The following BMPER variants were observed in gnomAD, a reference collection of about 807,000 sequenced individuals.
BMPER encodes BMP-binding endothelial regulator protein.
A neutral mutation model predicts 87.3 loss-of-function variants in BMPER; 45 were observed. The ratio of observed to expected loss-of-function variants is 0.52; its 90% CI spans 0.41 to 0.66. The LOEUF (loss-of-function observed/expected upper bound fraction) is 0.66, where lower values mean the gene tolerates loss of function less well. BMPER is among the 30% of genes least tolerant of loss of function. BMPER has a pLI of 0.00. For missense variants in BMPER, 784 were observed against 867.5 expected (o/e 0.90, Z 1.21); for synonymous variants, 326 against 316.2 (o/e 1.03, Z -0.33).
At chr7:33,961,928 T>C (rs1397902274) in intron 3 of BMPER, among the ~76,000 whole-genome samples, 2 of 152,226 alleles carry the variant, frequency 1.3e-5, no homozygotes, top group East Asian at 1.9e-4. Context: ...GGTAAGTTAT[T>C]CATAATGGTA....
At chr7:34,086,826 G>A (rs1789224409) in intron 13 of BMPER, among the ~76,000 whole-genome samples, 1 of 152,146 alleles carries the variant, frequency 6.6e-6, no homozygotes, top group Non-Finnish European at 1.5e-5. Context: ...AGTTTGGCCT[G>A]GGTGTACTTC....
chr7:34,099,184 G>C (rs1046796657), intron 13 of BMPER, among the ~76,000 whole-genome samples: 19 of 152,172 alleles, frequency 1.2e-4, no homozygotes, highest in Non-Finnish European at 2.9e-5. Flanking sequence ...CTGAGCTACA[G>C]GAGTTACCAA....
chr7:34,093,715 C>T (rs1294105143), intron 13 of BMPER, among the ~76,000 whole-genome samples: 1 of 152,112 alleles, frequency 6.6e-6, no homozygotes, highest in Non-Finnish European at 1.5e-5. Flanking sequence ...TAGTGTTTCT[C>T]CTCAGAAAAT....
At chr7:33,987,062 T>G (rs1455615387) in intron 6 of BMPER, among the ~76,000 whole-genome samples, 3 of 152,128 alleles carry the variant, frequency 2.0e-5, no homozygotes, top group Non-Finnish European at 4.4e-5. Context: ...CACGATAGCC[T>G]GGTATTAGTA....
At chr7:34,119,049 G>C (rs1420340) in intron 13 of BMPER, among the ~76,000 whole-genome samples, 69 of 150,516 alleles carry the variant, frequency 4.6e-4, no homozygotes, top group African/African-American at 1.6e-3. Context: ...CACTCGATAC[G>C]ATGACACATA....
chr7:34,090,886 CCTGTTCA>C, intron 13 of BMPER, among the ~76,000 whole-genome samples: 1 of 152,262 alleles, frequency 6.6e-6, no homozygotes, highest in African/African-American at 2.4e-5. Context: ...GAGCGAAAAC[CCTGTTCA>C]CTTGTTCAGT....
chr7:33,949,943 GTTAACA>G (rs1158191645), intron 3 of BMPER, among the ~76,000 whole-genome samples: 53 of 152,260 alleles, frequency 3.5e-4, no homozygotes, highest in African/African-American at 1.3e-3. Context: ...AAAGGACCTT[GTTAACA>G]TTAAAATCAT....
chr7:34,089,424 A>C (rs1789315448), intron 13 of BMPER, among the ~76,000 whole-genome samples: 1 of 152,208 alleles, frequency 6.6e-6, no homozygotes, highest in South Asian at 2.1e-4. Context: ...AGGTCAAAAT[A>C]ATAATGACAA....
chr7:33,914,031 G>A (rs905928641), intron 2 of BMPER, among the ~76,000 whole-genome samples: 1 of 149,312 alleles, frequency 6.7e-6, no homozygotes, highest in Non-Finnish European at 1.5e-5. Flanking sequence ...GCATGATCTC[G>A]GCTCACTGCA....
At chr7:33,989,045 T>C (rs1211978733) in intron 6 of BMPER, among the ~76,000 whole-genome samples, 1 of 136,560 alleles carries the variant, frequency 7.3e-6, no homozygotes, top group African/African-American at 2.8e-5. Flanking sequence ...TTCCAAGTCT[T>C]TGCTATTGTG....
chr7:33,980,891 T>A (rs1202179504), intron 6 of BMPER, among the ~76,000 whole-genome samples: 2 of 152,224 alleles, frequency 1.3e-5, no homozygotes, highest in Non-Finnish European at 2.9e-5. Flanking sequence ...TGCTCTCACT[T>A]ACACTTTAGA....
intron 11 of BMPER, among the ~76,000 whole-genome samples, chr7:34,076,364 C>A (rs953250493): frequency 3.9e-5 from 6 of 152,170 alleles, no homozygotes; most frequent in Admixed American, 3.3e-4. Flanking sequence ...AGTAATGTCA[C>A]TTATGGCTCT....
Position 33,966,477 on chromosome 7 carries a change from A to G in BMPER, c.320-2A>G. The G allele has an allele frequency of 6.2e-7, 1 of 1,613,374 alleles. No homozygotes were observed. The highest frequency in any genetic ancestry group is 8.5e-7 in the Non-Finnish European group (1 of 1,179,380). On this transcript the variant is annotated splice_acceptor_variant, in intron 3 of 14. Coordinates refer to ENST00000649409, the MANE Select transcript of BMPER (RefSeq NM_001365308.1). LOFTEE classifies it high-confidence loss of function. The stretch of plus-strand genomic sequence containing the variant: ...CTTCCTGCTTCTGTGTCTCCTGTCT[A>G]GGTTGCACCTATGAAGGAAATACCT...
intron 6 of BMPER, chr7:34,042,684 T>G (rs1787862554): frequency 6.6e-6 from 1 of 152,192 alleles, no homozygotes; most frequent in Non-Finnish European, 1.5e-5. Flanking sequence ...TCATTCAGAT[T>G]CTAGAGCTCA....
intron 13 of BMPER, among the ~76,000 whole-genome samples, chr7:34,127,541 C>T (rs1790437425): frequency 6.6e-6 from 1 of 152,040 alleles, no homozygotes; most frequent in African/African-American, 2.4e-5. Flanking sequence ...CATTTACCAC[C>T]ACACCACTCC....
At chr7:33,956,779 G>A (rs1182518089) in intron 3 of BMPER, among the ~76,000 whole-genome samples, 1 of 152,194 alleles carries the variant, frequency 6.6e-6, no homozygotes, top group Non-Finnish European at 1.5e-5. Flanking sequence ...AGAATACAGT[G>A]TATAATACAC....
intron 13 of BMPER, among the ~76,000 whole-genome samples, chr7:34,139,171 A>G (rs906780202): frequency 6.6e-6 from 1 of 152,196 alleles, no homozygotes; most frequent in African/African-American, 2.4e-5. Context: ...TTCCTTTGTA[A>G]CCAACAGAAG....
At chr7:34,130,461 C>T (rs1790555216) in intron 13 of BMPER, among the ~76,000 whole-genome samples, 1 of 152,206 alleles carries the variant, frequency 6.6e-6, no homozygotes, top group Non-Finnish European at 1.5e-5. Flanking sequence ...ATGCCTATTC[C>T]TCCTTCACTT....
At position 34,055,159 on chromosome 7, in the gene BMPER, C is replaced by G; in HGVS notation, c.787-4C>G. On this transcript the variant is annotated splice_region_variant and splice_polypyrimidine_tract_variant and intron_variant, in intron 8 of 14. Transcript: ENST00000649409. ...TAATTTCTATTTTGCCTTTGGGCCC[C>G]CAGGACTCTACTGTGGTTTGCAAGA... 1.9e-6 allele frequency: 3 copies of G among 1,614,072 alleles called. No homozygotes were observed. The highest frequency in any genetic ancestry group is 2.5e-6 in the Non-Finnish European group (3 of 1,179,996).
Sources: allele counts gnomAD v4.1 joint callset (sites outside exome capture counted in the v4.1 genomes callset), GRCh38; gene constraint gnomAD v4.1.1; transcripts MANE v1.5; gene names NCBI Gene and HGNC (gene_info 2026-07-23, HGNC 2026-07-21).